Variants in RALYL observed in about 807,000 individuals in gnomAD.
The protein encoded by RALYL is RALY RNA binding protein like, also known as RNA-binding Raly-like protein.
In RALYL, 29 loss-of-function variants were observed where a neutral mutation model predicts 35.1. That is an observed-to-expected ratio of 0.83 (90% CI 0.61 to 1.13). The LOEUF (loss-of-function observed/expected upper bound fraction) is 1.13, where lower values mean the gene tolerates loss of function less well. RALYL is among the 50% of genes most tolerant of loss of function. The pLI is 0.00. For synonymous variants in RALYL, 120 were observed against 127.6 expected, an observed-to-expected ratio of 0.94 and a Z score of 0.40; for missense variants, 359 against 360.4, an observed-to-expected ratio of 1.00 and a Z score of 0.03.
In RALYL at chr8:84,497,265, T is replaced by G. The variant is rs143173888; in HGVS notation, c.-23-32034T>G. On this transcript the variant is annotated intron_variant, in intron 1 of 8. Transcript: ENST00000521268. Reference sequence around the variant, plus strand: ...CAGAGAGAGGAAATCTGCAAGGTCTTTTATGAGGGTGAAATCAATTTATTC... The same window carrying G: ...CAGAGAGAGGAAATCTGCAAGGTCTGTTATGAGGGTGAAATCAATTTATTC... 1.4e-3 allele frequency among the ~76,000 whole-genome samples: 212 copies of G among 152,282 alleles called. 1 individual carries two copies. The highest frequency in any genetic ancestry group is 2.6e-3 in the Non-Finnish European group (174 of 68,016).
intron 1 of RALYL, among the ~76,000 whole-genome samples, chr8:84,212,820 G>A (rs575811084): frequency 6.6e-6 from 1 of 152,056 alleles, no homozygotes; most frequent in Non-Finnish European, 1.5e-5. Context: ...ACCTTTGCAT[G>A]TCTGAAACAA....
chr8:84,535,630 A>C (rs2059554768), intron 2 of RALYL, among the ~76,000 whole-genome samples: 1 of 150,024 alleles, frequency 6.7e-6, no homozygotes, highest in Non-Finnish European at 1.5e-5. Context: ...ATTTTATTTT[A>C]TTTTATTTTA....
intron 2 of RALYL, among the ~76,000 whole-genome samples, chr8:84,757,759 G>A (rs988292938): frequency 2.6e-5 from 4 of 152,116 alleles, no homozygotes; most frequent in African/African-American, 4.8e-5. Flanking sequence ...TATTCAATCT[G>A]AAAGTCAACA....
intron 2 of RALYL, among the ~76,000 whole-genome samples, chr8:84,542,108 T>G (rs2060057257): frequency 6.6e-6 from 1 of 152,120 alleles, no homozygotes; most frequent in Admixed American, 6.6e-5. Context: ...TGCATGTTCA[T>G]TTGTGGCCAT....
chr8:84,690,881 C>T (rs1334154222), intron 2 of RALYL, among the ~76,000 whole-genome samples: 1 of 151,858 alleles, frequency 6.6e-6, no homozygotes, highest in African/African-American at 2.4e-5. Context: ...TGATATCATC[C>T]ATTAATTCAC....
chr8:84,348,739 T>C (rs926450809), intron 1 of RALYL, among the ~76,000 whole-genome samples: 1 of 136,894 alleles, frequency 7.3e-6, no homozygotes, highest in Non-Finnish European at 1.6e-5. Context: ...AACCAACTTT[T>C]ACAAGTTCTG....
chr8:84,659,009 A>C (rs1830431153), intron 2 of RALYL, among the ~76,000 whole-genome samples: 1 of 152,142 alleles, frequency 6.6e-6, no homozygotes, highest in Non-Finnish European at 1.5e-5. Flanking sequence ...TCCAGGGAAG[A>C]CAGCTTACTA....
chr8:84,329,321 C>T (rs1846389297), intron 1 of RALYL, among the ~76,000 whole-genome samples: 1 of 152,056 alleles, frequency 6.6e-6, no homozygotes, highest in South Asian at 2.1e-4. Context: ...GATGGTATCT[C>T]ATTGTGGTTT....
chr8:84,569,510 C>A (rs933289608), intron 2 of RALYL, among the ~76,000 whole-genome samples: 1 of 151,718 alleles, frequency 6.6e-6, no homozygotes, highest in Admixed American at 6.6e-5. Context: ...GCATAATTTG[C>A]AAATATTTTC....
chr8:84,473,658 A>G (rs1310509345), intron 1 of RALYL, among the ~76,000 whole-genome samples: 2 of 151,726 alleles, frequency 1.3e-5, no homozygotes, highest in Non-Finnish European at 3.0e-5. Flanking sequence ...ATTTTTGGGT[A>G]TGTTCATTTT....
chr8:84,855,600 T>G (rs1367355404), intron 5 of RALYL, among the ~76,000 whole-genome samples: 1 of 152,238 alleles, frequency 6.6e-6, no homozygotes, highest in African/African-American at 2.4e-5. Flanking sequence ...AAGGTCCATA[T>G]ATGACTCTAA....
At chr8:84,416,950 A>G (rs547101161) in intron 1 of RALYL, among the ~76,000 whole-genome samples, 1 of 152,240 alleles carries the variant, frequency 6.6e-6, no homozygotes, top group South Asian at 2.1e-4. Context: ...TAAGCTACCA[A>G]ATAACCAACC....
At chr8:84,835,270 T>C (rs1465100738) in intron 4 of RALYL, among the ~76,000 whole-genome samples, 4 of 151,948 alleles carry the variant, frequency 2.6e-5, no homozygotes, top group African/African-American at 2.4e-5. Flanking sequence ...TGGATGTAAA[T>C]TCAAAAAAGC....
At chr8:84,518,735 C>T (rs1386299083) in intron 1 of RALYL, among the ~76,000 whole-genome samples, 2 of 152,144 alleles carry the variant, frequency 1.3e-5, no homozygotes, top group Non-Finnish European at 2.9e-5. Context: ...GGCCAGTCTT[C>T]CAAAGCTGCA....
chr8:84,747,679 T>A (rs1427536259), intron 2 of RALYL, among the ~76,000 whole-genome samples: 1 of 151,974 alleles, frequency 6.6e-6, no homozygotes, highest in Non-Finnish European at 1.5e-5. Flanking sequence ...TTACACTATA[T>A]ATTTTTAAGT....
At chr8:84,548,571 G>C (rs577538036) in intron 2 of RALYL, among the ~76,000 whole-genome samples, 1 of 152,082 alleles carries the variant, frequency 6.6e-6, no homozygotes, top group South Asian at 2.1e-4. Flanking sequence ...TTGGAGACTT[G>C]AATGTGATCT....
At chr8:84,840,340 G>A (rs183081006) in intron 4 of RALYL, among the ~76,000 whole-genome samples, 258 of 152,292 alleles carry the variant, frequency 1.7e-3, no homozygotes, top group African/African-American at 5.9e-3. Flanking sequence ...CTCAGTAGCC[G>A]ATTTGATCAA....
chr8:84,271,115 G>C (rs1302403642), intron 1 of RALYL, among the ~76,000 whole-genome samples: 3 of 146,240 alleles, frequency 2.1e-5, no homozygotes, highest in African/African-American at 7.6e-5. Flanking sequence ...ATAAAAACAA[G>C]CTAGAGTGAA....
At chr8:84,755,085 T>C (rs1156972312) in intron 2 of RALYL, among the ~76,000 whole-genome samples, 1 of 152,044 alleles carries the variant, frequency 6.6e-6, no homozygotes, top group East Asian at 1.9e-4. Flanking sequence ...GCATTGAGGG[T>C]CAACTGTCAA....
Sources: gnomAD v4.1 joint callset for allele counts (sites outside exome capture counted in the v4.1 genomes callset) on GRCh38, gnomAD v4.1.1 for gene constraint, MANE v1.5 for transcripts, NCBI Gene and HGNC (gene_info 2026-07-23, HGNC 2026-07-21) for gene names.